Variants in GLDC observed in about 807,000 individuals in gnomAD.
The protein encoded by GLDC is glycine dehydrogenase (decarboxylating), mitochondrial.
In GLDC, 104 loss-of-function variants were observed where a neutral mutation model predicts 121.3. That is an observed-to-expected ratio of 0.86 (90% CI 0.73 to 1.01). The LOEUF is 1.01. GLDC is among the 50% of genes least tolerant of loss of function. The pLI is 0.00. For synonymous variants in GLDC, 546 were observed against 480.6 expected, an observed-to-expected ratio of 1.14 and a Z score of -1.78; for missense variants, 1,429 against 1,306.6, an observed-to-expected ratio of 1.09 and a Z score of -1.44.
intron 21 of GLDC, among the ~76,000 whole-genome samples, chr9:6,550,416 C>G (rs969011295): frequency 1.3e-5 from 2 of 152,066 alleles, no homozygotes; most frequent in African/African-American, 4.8e-5. Flanking sequence ...CACCTGAGGT[C>G]AGGAGTTCGA....
At chr9:6,599,339 C>G (rs1400320295) in intron 8 of GLDC, among the ~76,000 whole-genome samples, 1 of 152,108 alleles carries the variant, frequency 6.6e-6, no homozygotes, top group African/African-American at 2.4e-5. Flanking sequence ...AACAGCAAGA[C>G]AGGAGCAGTC....
intron 21 of GLDC, among the ~76,000 whole-genome samples, chr9:6,542,706 T>G (rs184433605): frequency 1.4e-5 from 2 of 144,908 alleles, no homozygotes; most frequent in African/African-American, 5.1e-5. Flanking sequence ...GGCAGCATAG[T>G]GAGAGCTTGT....
At chr9:6,551,458 A>C (rs141139830) in intron 20 of GLDC, among the ~76,000 whole-genome samples, 19 of 152,324 alleles carry the variant, frequency 1.2e-4, no homozygotes, top group African/African-American at 4.6e-4. Flanking sequence ...AAGAGCTTCA[A>C]ATCAAGACTG....
chr9:6,624,773 G>C (rs1178653587), intron 2 of GLDC, among the ~76,000 whole-genome samples: 2 of 152,006 alleles, frequency 1.3e-5, no homozygotes, highest in East Asian at 3.9e-4. Flanking sequence ...GATCACTTGA[G>C]GTCAAGGAGT....
intron 7 of GLDC, among the ~76,000 whole-genome samples, chr9:6,604,298 C>T (rs569754409): frequency 5.9e-4 from 90 of 152,222 alleles, no homozygotes; most frequent in African/African-American, 2.0e-3. Flanking sequence ...ACAAAACATG[C>T]CTAAAATATT....
At chr9:6,602,883 G>A (rs896353285) in intron 7 of GLDC, among the ~76,000 whole-genome samples, 7 of 151,714 alleles carry the variant, frequency 4.6e-5, no homozygotes, top group South Asian at 2.1e-4. Flanking sequence ...CACCAATCAC[G>A]GACTGAAAAC....
intron 5 of GLDC, 129 bp from the exon 6 acceptor site, chr9:6,605,407 C>T: frequency 1.2e-6 from 1 of 845,150 alleles, no homozygotes; most frequent in Admixed American, 2.0e-5. Context: ...CCCCTGCCCA[C>T]ATCCCGTCCC....
chr9:6,622,770 CG>C (rs1819136350), intron 2 of GLDC: 1 of 221,680 alleles, frequency 4.5e-6, no homozygotes, highest in Non-Finnish European at 9.0e-6. Context: ...CGTCTCTGCC[CG>C]GCCGCCATCC....
At chr9:6,588,263 T>C (rs1039573617) in intron 14 of GLDC, 138 bp downstream of exon 14, 6 of 766,518 alleles carry the variant, frequency 7.8e-6, no homozygotes, top group African/African-American at 6.8e-5. Flanking sequence ...GATTGGTGAA[T>C]AGCAAGGTAA....
At chr9:6,600,200 C>A (rs1818577271) in intron 8 of GLDC, among the ~76,000 whole-genome samples, 1 of 152,008 alleles carries the variant, frequency 6.6e-6, no homozygotes, top group African/African-American at 2.4e-5. Context: ...CTCGCCTCTA[C>A]AAAACATTTT....
chr9:6,535,236 T>C (rs1412355307), intron 23 of GLDC, among the ~76,000 whole-genome samples: 1 of 152,146 alleles, frequency 6.6e-6, no homozygotes, highest in Non-Finnish European at 1.5e-5. Flanking sequence ...ACTTGTATTA[T>C]AACTCACTAT....
At chr9:6,563,207 C>G (rs1024034362) in intron 16 of GLDC, among the ~76,000 whole-genome samples, 1 of 152,260 alleles carries the variant, frequency 6.6e-6, no homozygotes, top group Admixed American at 6.5e-5. Flanking sequence ...TTCTCCTTGG[C>G]CTTTCCAGTT....
At chr9:6,582,292 G>A (rs1479584299) in intron 15 of GLDC, among the ~76,000 whole-genome samples, 1 of 151,308 alleles carries the variant, frequency 6.6e-6, no homozygotes, top group Non-Finnish European at 1.5e-5. Context: ...GCCGAGGTGG[G>A]CAGATCACCT....
intron 3 of GLDC, among the ~76,000 whole-genome samples, chr9:6,611,392 T>A (rs746224851): frequency 4.5e-4 from 69 of 152,124 alleles, no homozygotes; most frequent in Non-Finnish European, 8.7e-4. Context: ...CCGTCTCTAC[T>A]AAAAATACAA....
intron 24 of GLDC, 116 bp from the exon 25 acceptor site, chr9:6,533,276 C>T (rs1407327793): frequency 2.2e-6 from 2 of 904,454 alleles, no homozygotes; most frequent in Non-Finnish European, 3.7e-6. Flanking sequence ...AGCAAATATT[C>T]TGAGAACCTA....
chr9:6,609,300 C>A (rs1818802276), intron 4 of GLDC, among the ~76,000 whole-genome samples: 1 of 152,130 alleles, frequency 6.6e-6, no homozygotes, highest in Non-Finnish European at 1.5e-5. Context: ...ACATGAAGTA[C>A]TATTAATAAC....
At chr9:6,629,872 A>G (rs2129980168) in intron 2 of GLDC, among the ~76,000 whole-genome samples, 1 of 147,460 alleles carries the variant, frequency 6.8e-6, no homozygotes, top group East Asian at 2.0e-4. Context: ...GTGATGATTC[A>G]CAAGAAATTG....
At chr9:6,578,386 G>A (rs1011301433) in intron 15 of GLDC, among the ~76,000 whole-genome samples, 2 of 151,618 alleles carry the variant, frequency 1.3e-5, no homozygotes, top group Non-Finnish European at 2.9e-5. Flanking sequence ...CAAAGTGTTG[G>A]GATTACAAGC....
intron 15 of GLDC, among the ~76,000 whole-genome samples, chr9:6,581,111 G>A (rs1818162854): frequency 6.6e-6 from 1 of 152,236 alleles, no homozygotes; most frequent in Admixed American, 6.5e-5. Flanking sequence ...GTATTGAGGG[G>A]TTAAGGCCCC....
Sources: gnomAD v4.1 joint callset for allele counts (sites outside exome capture counted in the v4.1 genomes callset) on GRCh38, gnomAD v4.1.1 for gene constraint, MANE v1.5 for transcripts, NCBI Gene and HGNC (gene_info 2026-07-23, HGNC 2026-07-21) for gene names.